The following DYRK1A variants were observed in gnomAD, a reference collection of about 807,000 sequenced individuals.
DYRK1A encodes the protein dual specificity tyrosine phosphorylation regulated kinase 1A, also known as dual specificity tyrosine-phosphorylation-regulated kinase 1A.
A neutral mutation model predicts 79.7 loss-of-function variants in DYRK1A; 9 were observed. The ratio of observed to expected loss-of-function variants is 0.11; its 90% confidence interval spans 0.07 to 0.20. DYRK1A has a LOEUF of 0.20. DYRK1A is among the 10% of genes least tolerant of loss of function. DYRK1A has a pLI of 1.00. For synonymous variants in DYRK1A, 349 were observed against 329.7 expected (o/e 1.06, Z -0.63); for missense variants, 622 against 956.0 (o/e 0.65, Z 4.61).
chr21:37,392,705 T>TG (rs1412710559), intron 1 of DYRK1A, among the ~76,000 whole-genome samples: 1 of 152,216 alleles, frequency 6.6e-6, no homozygotes, highest in African/African-American at 2.4e-5. Context: ...AGAAATTCTG[T>TG]GGGGAACACC....
chr21:37,500,663 A>G (rs1467735014), intron 9 of DYRK1A, among the ~76,000 whole-genome samples: 1 of 152,080 alleles, frequency 6.6e-6, no homozygotes, highest in Non-Finnish European at 1.5e-5. Context: ...TGGTTATCCA[A>G]ATTTTTTTTA....
At position 37,506,213 on chromosome 21, in the gene DYRK1A, A is replaced by C. The variant is rs1261272756; in HGVS notation, c.1634A>C (p.His545Pro). 1.2e-6 allele frequency: 2 copies of C among 1,614,096 alleles called. No homozygotes were observed. Among genetic ancestry groups the C allele is most frequent in the Admixed American group, 3.3e-5 (2 of 60,016 alleles). ...AAVQAMDCET[H>P]SPQVRQQFPA... is the part of the protein sequence containing the mutation. ...GTGCAGGCCATGGACTGCGAGACACACAGTCCCCAGGTGAGCTCGCACGTG... is the reference window on the plus strand; with the variant it reads ...GTGCAGGCCATGGACTGCGAGACACCCAGTCCCCAGGTGAGCTCGCACGTG... Residue 545 changes from histidine to proline, a missense_variant, in exon 11 of 12, where the codon CAC (histidine) becomes CCC (proline). By Grantham distance (77) the His-to-Pro change is moderately conservative. Around this residue, in one of 5 missense-constraint regions of DYRK1A, gnomAD observed 292 missense variants for 316.7 expected, o/e 0.92. Coordinates refer to ENST00000647188, the MANE Select transcript of DYRK1A (RefSeq NM_001347721.2).
intron 1 of DYRK1A, among the ~76,000 whole-genome samples, chr21:37,394,638 G>A (rs1276961619): frequency 6.6e-6 from 1 of 152,154 alleles, no homozygotes; most frequent in Non-Finnish European, 1.5e-5. Flanking sequence ...GAACCCTGTT[G>A]TGAACTGCAC....
intron 1 of DYRK1A, among the ~76,000 whole-genome samples, chr21:37,386,376 C>T (rs527713704): frequency 9.2e-5 from 14 of 152,220 alleles, no homozygotes; most frequent in African/African-American, 2.6e-4. Context: ...GGTCAGAGAC[C>T]GCTGCTGTAG....
At chr21:37,511,797 AC>A (rs2053755707) in intron 11 of DYRK1A, 113 bp from the exon 12 acceptor site, 1 of 1,278,944 alleles carries the variant, frequency 7.8e-7, no homozygotes, top group African/African-American at 1.5e-5. Flanking sequence ...AGTTTCAAAA[AC>A]CGTTTCCCCC....
At chr21:37,492,939 A>G (rs1316496229) in intron 7 of DYRK1A, 78 bp from the exon 8 acceptor site, 2 of 1,224,708 alleles carry the variant, frequency 1.6e-6, no homozygotes, top group Admixed American at 4.0e-5. Context: ...TTCTGTTAAT[A>G]TCAGATCAAT....
intron 1 of DYRK1A, among the ~76,000 whole-genome samples, chr21:37,399,584 A>G (rs892178465): frequency 5.3e-5 from 8 of 152,216 alleles, no homozygotes; most frequent in African/African-American, 1.9e-4. Context: ...GTGGCATTTT[A>G]ACATTTACTG....
intron 2 of DYRK1A, among the ~76,000 whole-genome samples, chr21:37,431,131 GATATAGAGGA>G (rs1233061627): frequency 2.6e-5 from 4 of 152,118 alleles, no homozygotes; most frequent in Non-Finnish European, 5.9e-5. Flanking sequence ...TTCTATGGAT[GATATAGAGGA>G]ATATAGAGGA....
intron 1 of DYRK1A, among the ~76,000 whole-genome samples, chr21:37,380,365 C>T (rs557824003): frequency 7.9e-5 from 12 of 151,794 alleles, no homozygotes; most frequent in Non-Finnish European, 1.3e-4. Context: ...TGGTAAGATC[C>T]TATAGGATCT....
chr21:37,483,770 G>A (rs1020449647), intron 5 of DYRK1A, among the ~76,000 whole-genome samples: 8 of 151,990 alleles, frequency 5.3e-5, no homozygotes, highest in South Asian at 2.1e-4. Flanking sequence ...TTTTGTAGAG[G>A]TGAGGTCTTA....
chr21:37,509,203 T>C (rs962685618), intron 11 of DYRK1A, among the ~76,000 whole-genome samples: 8 of 152,232 alleles, frequency 5.3e-5, no homozygotes, highest in African/African-American at 1.9e-4. Context: ...TTTTGAGATA[T>C]TTTATACATA....
At chr21:37,420,137 G>C (rs2050437311) in intron 1 of DYRK1A, 162 bp from the exon 2 acceptor site, 1 of 340,302 alleles carries the variant, frequency 2.9e-6, no homozygotes, top group African/African-American at 2.1e-5. Flanking sequence ...GATTATTGAA[G>C]ACTAAGGAAA....
At chr21:37,416,723 A>G (rs1217856610) in intron 1 of DYRK1A, among the ~76,000 whole-genome samples, 4 of 151,772 alleles carry the variant, frequency 2.6e-5, no homozygotes, top group African/African-American at 9.7e-5. Flanking sequence ...GTTTTTCTTG[A>G]TTTCTGTTTT....
chr21:37,523,940 A>C lies in DYRK1A; in HGVS notation c.*11409A>C, dbSNP rs1292908975. The C allele has an allele frequency of 6.6e-6, 1 of 152,194 alleles. No homozygotes were observed. The highest frequency in any genetic ancestry group is 1.5e-5 in the Non-Finnish European group (1 of 68,036). The allele number at this position is 152,194 out of a possible 1,614,324, so 9.4% of individuals were successfully genotyped here. A position where few individuals can be genotyped will look rare whatever the true frequency, so the allele number is the denominator to read the frequency against. On this transcript the variant is annotated 3_prime_UTR_variant, in exon 12 of 12. Coordinates refer to ENST00000647188, the MANE Select transcript of DYRK1A (RefSeq NM_001347721.2). ...TGCCCTGCCGCTCTGTGCAATGTAAATTGCAGTGACACAGTTATAACTCAG... is the reference window on the plus strand; with the variant it reads ...TGCCCTGCCGCTCTGTGCAATGTAACTTGCAGTGACACAGTTATAACTCAG...
In DYRK1A at chr21:37,512,466, G is replaced by A. The variant is rs1413667922; in HGVS notation, c.2200G>A (p.Ala734Thr). The A allele has an allele frequency of 1.9e-6, 3 of 1,614,118 alleles. No homozygotes were observed. Among genetic ancestry groups the A allele is most frequent in the African/African-American group, 1.3e-5 (1 of 74,932 alleles). The change falls in exon 12 of 12, where the codon GCT (alanine) becomes ACT (threonine). Residue 734 changes from alanine to threonine, a missense_variant. Physicochemically the swap from Ala to Thr is moderately conservative, Grantham distance 58 (BLOSUM62 0). Transcript: ENST00000647188. Reference sequence around the variant, plus strand: ...AGGACATCTGACAATGAGGCAAGGGGCTGATAGAGAAGAGTCCCCCATGAC... The same window carrying A: ...AGGACATCTGACAATGAGGCAAGGGACTGATAGAGAAGAGTCCCCCATGAC... Reference protein sequence around the residue: ...TEGHLTMRQGADREESPMTGV... With the variant: ...TEGHLTMRQGTDREESPMTGV...
intron 1 of DYRK1A, among the ~76,000 whole-genome samples, chr21:37,402,158 A>G (rs974467468): frequency 1.3e-5 from 2 of 152,132 alleles, no homozygotes; most frequent in Non-Finnish European, 2.9e-5. Flanking sequence ...ACTAAAATTT[A>G]TTTTTGTTTA....
chr21:37,374,744 G>A (rs1258278269), intron 1 of DYRK1A, among the ~76,000 whole-genome samples: 1 of 152,042 alleles, frequency 6.6e-6, no homozygotes, highest in African/African-American at 2.4e-5. Context: ...TAGTAGAGAC[G>A]GGGTTTCACT....
At chr21:37,510,545 GTT>G (rs2053719233) in intron 11 of DYRK1A, among the ~76,000 whole-genome samples, 1 of 152,216 alleles carries the variant, frequency 6.6e-6, no homozygotes, top group Non-Finnish European at 1.5e-5. Context: ...GAGAAAGACT[GTT>G]TGTTGGATAG....
intron 4 of DYRK1A, among the ~76,000 whole-genome samples, chr21:37,479,621 T>G (rs1215705788): frequency 3.1e-4 from 32 of 104,180 alleles, no homozygotes; most frequent in African/African-American, 1.5e-3. Context: ...TGTTTTTTGT[T>G]TTTTTTTTTT....
Sources: gnomAD v4.1 joint callset for allele counts (sites outside exome capture counted in the v4.1 genomes callset) on GRCh38, gnomAD v4.1.1 for gene constraint, gnomAD v4.1.1 regional missense constraint, MANE v1.5 for transcripts, NCBI Gene and HGNC (gene_info 2026-07-23, HGNC 2026-07-21) for gene names.